The following LTBP1 variants were observed in gnomAD, a reference collection of about 807,000 sequenced individuals.
LTBP1 encodes the protein latent transforming growth factor beta binding protein 1.
A neutral mutation model predicts 207.6 loss-of-function variants in LTBP1; 129 were observed. The observed-to-expected ratio is 0.62, with a 90% CI of 0.54 to 0.72. The LOEUF is 0.72. Among genes scored for constraint, LTBP1 ranks in the 30% least tolerant of loss-of-function variants. The pLI, the probability that LTBP1 is intolerant of heterozygous loss-of-function variation, is 0.00. For missense variants in LTBP1, 2,281 were observed against 2,217.2 expected (o/e 1.03, Z -0.58); for synonymous variants, 963 against 833.7 (o/e 1.16, Z -2.67).
At position 33,262,760 on chromosome 2, in the gene LTBP1, G is replaced by A. The variant is rs199682211; in HGVS notation, c.2457G>A (p.Glu819=). The change falls in exon 14 of 34, where the codon GAG becomes GAA. Residue 819 remains glutamate, a synonymous_variant. Transcript: ENST00000404816. ...TGGATCAAGAGAAAACCAAACTTGA[G>A]CCTGGTCAACCCCAGCTGTCTCCAG... ...PSLDQEKTKL[E]PGQPQLSPGI... is the part of the protein sequence containing the mutation. 1.2e-5 allele frequency: 19 copies of A among 1,604,538 alleles called. No homozygotes were observed. Among genetic ancestry groups the A allele is most frequent in the Non-Finnish European group, 1.5e-5 (18 of 1,174,430 alleles).
intron 10 of LTBP1, among the ~76,000 whole-genome samples, chr2:33,249,909 A>G (rs374051014): frequency 6.6e-6 from 1 of 152,322 alleles, no homozygotes; most frequent in East Asian, 1.9e-4. Context: ...TGGTATTTCT[A>G]GTTTTCTTTA....
chr2:33,072,783 G>A (rs1380933894), intron 3 of LTBP1, among the ~76,000 whole-genome samples: 1 of 152,160 alleles, frequency 6.6e-6, no homozygotes, highest in African/African-American at 2.4e-5. Flanking sequence ...AAACATTGCT[G>A]GTTGCCATGG....
intron 2 of LTBP1, among the ~76,000 whole-genome samples, chr2:32,957,430 T>C (rs10185537): frequency 0.031 from 4,727 of 152,218 alleles, 245 homozygotes; most frequent in African/African-American, 0.11. Flanking sequence ...AATATTGTTG[T>C]GTCTCAGGTA....
intron 32 of LTBP1, among the ~76,000 whole-genome samples, chr2:33,395,715 GA>G (rs34496425): frequency 2.3e-4 from 33 of 141,798 alleles, no homozygotes; most frequent in Middle Eastern, 3.7e-3. Flanking sequence ...TCCTTGTTTA[GA>G]AAAAAAAAAA....
intron 24 of LTBP1, among the ~76,000 whole-genome samples, chr2:33,326,000 A>T (rs2094421644): frequency 6.6e-6 from 1 of 152,166 alleles, no homozygotes; most frequent in Non-Finnish European, 1.5e-5. Context: ...AATGTCTTTA[A>T]ATTTAGAAAT....
At chr2:33,048,585 T>C (rs219200) in intron 3 of LTBP1, among the ~76,000 whole-genome samples, 74,027 of 152,064 alleles carry the variant, frequency 0.49, 19,639 homozygotes, top group East Asian at 0.98. Flanking sequence ...TGTCTAAAAA[T>C]AGAAATCAAC....
chr2:33,290,269 G>C (rs2093748894), intron 19 of LTBP1, among the ~76,000 whole-genome samples: 1 of 152,172 alleles, frequency 6.6e-6, no homozygotes, highest in South Asian at 2.1e-4. Context: ...CTGCCACCTT[G>C]ACAACCAAGC....
intron 19 of LTBP1, among the ~76,000 whole-genome samples, chr2:33,280,730 TTTCA>T (rs1345085167): frequency 2.0e-5 from 3 of 152,206 alleles, no homozygotes; most frequent in Admixed American, 6.5e-5. Context: ...GAGTTAAACT[TTTCA>T]TTCATTCATT....
At chr2:33,149,107 C>G (rs2085106) in intron 5 of LTBP1, among the ~76,000 whole-genome samples, 6 of 151,908 alleles carry the variant, frequency 3.9e-5, no homozygotes, top group Non-Finnish European at 8.8e-5. Flanking sequence ...CCCAGCTACT[C>G]TGGAGGCTGA....
intron 5 of LTBP1, among the ~76,000 whole-genome samples, chr2:33,171,151 G>A (rs2085407332): frequency 7.6e-6 from 1 of 131,706 alleles, no homozygotes; most frequent in African/African-American, 2.8e-5. Context: ...GAACAAAGCT[G>A]GACGGAGAAT....
At chr2:33,341,827 G>A (rs56386751) in intron 24 of LTBP1, among the ~76,000 whole-genome samples, 3,501 of 150,898 alleles carry the variant, frequency 0.023, 68 homozygotes, top group Non-Finnish European at 0.037. Context: ...ACTCTGTCAA[G>A]TGAACTTGAA....
chr2:33,126,848 G>C (rs1476912678), intron 4 of LTBP1, among the ~76,000 whole-genome samples: 1 of 152,080 alleles, frequency 6.6e-6, no homozygotes, highest in African/African-American at 2.4e-5. Flanking sequence ...TGAAGTAAAT[G>C]ACAGAATCAG....
chr2:33,297,431 ATTT>A (rs2093900273), intron 20 of LTBP1, among the ~76,000 whole-genome samples: 1 of 150,548 alleles, frequency 6.6e-6, no homozygotes, highest in Non-Finnish European at 1.5e-5. Context: ...TTATTTATTT[ATTT>A]ATTTATTTAT....
At chr2:33,095,061 A>G (rs181214834) in intron 3 of LTBP1, among the ~76,000 whole-genome samples, 1 of 152,352 alleles carries the variant, frequency 6.6e-6, no homozygotes, top group East Asian at 1.9e-4. Flanking sequence ...TTAAAAATGA[A>G]CAAAGAATGG....
intron 20 of LTBP1, among the ~76,000 whole-genome samples, chr2:33,293,691 T>C (rs376109503): frequency 1.3e-5 from 2 of 152,140 alleles, no homozygotes; most frequent in East Asian, 1.9e-4. Flanking sequence ...TTTTAGAAAA[T>C]TTAGCAAATA....
intron 7 of LTBP1, among the ~76,000 whole-genome samples, chr2:33,190,360 A>G (rs962163490): frequency 6.6e-6 from 1 of 152,202 alleles, no homozygotes; most frequent in Non-Finnish European, 1.5e-5. Context: ...GTATATGCGC[A>G]TGAAATACTT....
chr2:33,182,062 G>A (rs1410556252), intron 5 of LTBP1, among the ~76,000 whole-genome samples: 1 of 152,130 alleles, frequency 6.6e-6, no homozygotes, highest in African/African-American at 2.4e-5. Context: ...AGAAATGCTA[G>A]AACTGGAGAA....
intron 5 of LTBP1, among the ~76,000 whole-genome samples, chr2:33,173,367 C>A (rs2085667671): frequency 6.6e-6 from 1 of 152,246 alleles, no homozygotes; most frequent in South Asian, 2.1e-4. Context: ...TCAGAGAATA[C>A]TACAAACACC....
intron 26 of LTBP1, among the ~76,000 whole-genome samples, chr2:33,348,352 T>C (rs2094732347): frequency 6.6e-6 from 1 of 152,210 alleles, no homozygotes; most frequent in African/African-American, 2.4e-5. Context: ...CCCACACATA[T>C]TTCCTCAGTT....
Sources: gnomAD v4.1 joint callset for allele counts (sites outside exome capture counted in the v4.1 genomes callset) on GRCh38, gnomAD v4.1.1 for gene constraint, MANE v1.5 for transcripts, NCBI Gene and HGNC (gene_info 2026-07-23, HGNC 2026-07-21) for gene names.